The following COL14A1 variants were observed in gnomAD, a reference collection of about 807,000 sequenced individuals.
COL14A1 encodes collagen type XIV alpha 1 chain, also known as collagen alpha-1(XIV) chain.
Under a neutral mutation model 230.3 loss-of-function variants are expected in COL14A1, and 136 were observed. That is an observed-to-expected ratio of 0.59 (90% confidence interval 0.51 to 0.68). The LOEUF (loss-of-function observed/expected upper bound fraction) is 0.68, where lower values mean the gene tolerates loss of function less well. Among genes scored for constraint, COL14A1 ranks in the 30% least tolerant of loss-of-function variants. COL14A1 has a pLI of 0.00. For missense variants in COL14A1, 1,976 were observed against 2,215.8 expected (o/e 0.89, Z 2.17); for synonymous variants, 792 against 784.1 (o/e 1.01, Z -0.17).
intron 14 of COL14A1, among the ~76,000 whole-genome samples, chr8:120,219,729 A>T (rs888545711): frequency 2.0e-5 from 3 of 152,068 alleles, no homozygotes; most frequent in Non-Finnish European, 2.9e-5. Context: ...ATTTTCTGTT[A>T]TTTGTCTTTG....
chr8:120,334,106 G>T (rs965757132), intron 42 of COL14A1, among the ~76,000 whole-genome samples: 1 of 152,210 alleles, frequency 6.6e-6, no homozygotes, highest in Non-Finnish European at 1.5e-5. Context: ...AGAAATGTTG[G>T]TTCTCATTCA....
chr8:120,317,491 C>T (rs2130125815), intron 40 of COL14A1, among the ~76,000 whole-genome samples: 1 of 152,260 alleles, frequency 6.6e-6, no homozygotes, highest in East Asian at 1.9e-4. Context: ...ATGTAGCATT[C>T]TTGTACATGT....
At chr8:120,206,036 A>G (rs1200862144) in intron 9 of COL14A1, among the ~76,000 whole-genome samples, 2 of 152,200 alleles carry the variant, frequency 1.3e-5, no homozygotes, top group African/African-American at 2.4e-5. Flanking sequence ...GGCATTTAGT[A>G]TATGTTAGTT....
intron 8 of COL14A1, among the ~76,000 whole-genome samples, chr8:120,200,743 A>G (rs1817218141): frequency 1.4e-5 from 1 of 71,864 alleles, no homozygotes; most frequent in Non-Finnish European, 2.9e-5. Context: ...ATATATATAT[A>G]TATATATATA....
At chr8:120,189,116 G>A (rs922013625) in intron 5 of COL14A1, among the ~76,000 whole-genome samples, 1 of 152,186 alleles carries the variant, frequency 6.6e-6, no homozygotes, top group Non-Finnish European at 1.5e-5. Flanking sequence ...TGGAATTATG[G>A]TTAAGGTATA....
chr8:120,146,102 T>G (rs532376697), intron 1 of COL14A1, among the ~76,000 whole-genome samples: 2 of 152,330 alleles, frequency 1.3e-5, no homozygotes, highest in East Asian at 3.9e-4. Flanking sequence ...GCAACTTCTC[T>G]GTGCCTTATT....
At chr8:120,236,487 C>T (rs1818449981) in intron 19 of COL14A1, among the ~76,000 whole-genome samples, 1 of 151,526 alleles carries the variant, frequency 6.6e-6, no homozygotes, top group Admixed American at 6.6e-5. Context: ...ATTCCTCCAT[C>T]CCTTTATTTT....
At chr8:120,226,841 A>G (rs1818112786) in intron 16 of COL14A1, 75 bp downstream of exon 16, 1 of 1,360,986 alleles carries the variant, frequency 7.3e-7, no homozygotes, top group Non-Finnish European at 1.0e-6. Flanking sequence ...GTTGGTCTTC[A>G]CTTTAAAATA....
At chr8:120,255,115 T>G (rs1160736152) in intron 22 of COL14A1, 125 bp from the exon 23 acceptor site, 1 of 733,572 alleles carries the variant, frequency 1.4e-6, no homozygotes, top group African/African-American at 1.7e-5. Context: ...CATTGTAAAT[T>G]GATGGATTTC....
chr8:120,206,736 G>T (rs1446617959), intron 9 of COL14A1, among the ~76,000 whole-genome samples: 2 of 152,116 alleles, frequency 1.3e-5, no homozygotes, highest in Admixed American at 6.6e-5. Flanking sequence ...TTTAAGTTTG[G>T]TATCCTCGGA....
intron 2 of COL14A1, among the ~76,000 whole-genome samples, chr8:120,151,477 A>G (rs1815277123): frequency 6.6e-6 from 1 of 151,892 alleles, no homozygotes; most frequent in South Asian, 2.1e-4. Context: ...CGTCTCTACT[A>G]AAAATACAAA....
chr8:120,297,301 T>C (rs1820558968), intron 34 of COL14A1, among the ~76,000 whole-genome samples: 2 of 151,972 alleles, frequency 1.3e-5, no homozygotes, highest in African/African-American at 2.4e-5. Flanking sequence ...AGGGTTTAGA[T>C]GGTGGATGAA....
At chr8:120,228,151 G>A (rs1318413799) in intron 17 of COL14A1, among the ~76,000 whole-genome samples, 1 of 152,152 alleles carries the variant, frequency 6.6e-6, no homozygotes, top group East Asian at 1.9e-4. Flanking sequence ...ATGAACTCAG[G>A]CGAGACAGTT....
At chr8:120,167,637 C>A (rs896298836) in intron 4 of COL14A1, among the ~76,000 whole-genome samples, 1 of 152,136 alleles carries the variant, frequency 6.6e-6, no homozygotes, top group African/African-American at 2.4e-5. Context: ...TAATAGAGAC[C>A]TTTTTTTAAG....
intron 33 of COL14A1, among the ~76,000 whole-genome samples, chr8:120,286,610 C>T (rs551370518): frequency 2.3e-4 from 35 of 152,184 alleles, no homozygotes; most frequent in East Asian, 1.4e-3. Context: ...CCCGGGTTCA[C>T]GCCATTCTCC....
intron 5 of COL14A1, among the ~76,000 whole-genome samples, chr8:120,183,366 G>A (rs146569897): frequency 2.1e-3 from 316 of 152,258 alleles, no homozygotes; most frequent in African/African-American, 7.1e-3. Context: ...AGCCAGTCAC[G>A]GGGATGGTAG....
intron 45 of COL14A1, among the ~76,000 whole-genome samples, chr8:120,346,098 A>G (rs78150086): frequency 0.031 from 4,787 of 152,324 alleles, 216 homozygotes; most frequent in African/African-American, 0.1. Flanking sequence ...CTAAACTTCA[A>G]ATTAAAATAC....
chr8:120,144,652 A>G (rs549876655), intron 1 of COL14A1, among the ~76,000 whole-genome samples: 1 of 152,328 alleles, frequency 6.6e-6, no homozygotes, highest in East Asian at 1.9e-4. Context: ...CCTATACAGT[A>G]AGAAAAAACA....
intron 1 of COL14A1, among the ~76,000 whole-genome samples, chr8:120,126,377 G>A (rs904095024): frequency 6.6e-6 from 1 of 152,206 alleles, no homozygotes; most frequent in Non-Finnish European, 1.5e-5. Context: ...GGAAAGTTCC[G>A]TGTCCAAATG....
Sources: allele counts gnomAD v4.1 joint callset (sites outside exome capture counted in the v4.1 genomes callset), GRCh38; gene constraint gnomAD v4.1.1; transcripts MANE v1.5; gene names NCBI Gene and HGNC (gene_info 2026-07-23, HGNC 2026-07-21).